The following WWOX variants were observed in gnomAD, a reference collection of about 807,000 sequenced individuals.
WWOX encodes WW domain-containing oxidoreductase.
In WWOX, 69 loss-of-function variants were observed where a neutral mutation model predicts 46.2. The ratio of observed to expected loss-of-function variants is 1.49; its 90% CI spans 1.23 to 1.82. WWOX has a LOEUF of 1.82. Ranked by LOEUF, WWOX falls within the 40% of genes most tolerant of loss-of-function variation. The pLI is 0.00. For missense variants in WWOX, 919 were observed against 542.6 expected (o/e 1.69, Z -6.89); for synonymous variants, 359 against 202.6 (o/e 1.77, Z -6.56).
At chr16:78,317,728 A>G (rs7193133) in intron 5 of WWOX, among the ~76,000 whole-genome samples, 4,754 of 152,026 alleles carry the variant, frequency 0.031, 117 homozygotes, top group African/African-American at 0.071. Context: ...GTGCCTCCCC[A>G]TGGGCCCCCT....
intron 5 of WWOX, among the ~76,000 whole-genome samples, chr16:78,354,243 C>T (rs1212131658): frequency 6.6e-6 from 1 of 150,890 alleles, no homozygotes; most frequent in Non-Finnish European, 1.5e-5. Flanking sequence ...CCCACCCCTG[C>T]CAGAAATAAA....
chr16:78,286,009 C>T (rs1030080864), intron 5 of WWOX, among the ~76,000 whole-genome samples: 1 of 152,166 alleles, frequency 6.6e-6, no homozygotes, highest in Admixed American at 6.5e-5. Flanking sequence ...ACTCTTTTGC[C>T]ACCTTTTTGG....
Position 78,164,236 on chromosome 16 carries a change from T to C in WWOX, c.463T>C (p.Cys155Arg). 1 of 1,614,188 alleles carries C rather than the reference T, an allele frequency of 6.2e-7. No homozygotes were observed. Among genetic ancestry groups the C allele is most frequent in the Non-Finnish European group, 8.5e-7 (1 of 1,180,018 alleles). Reference sequence around the variant, plus strand: ...CCATGGTGCACATGTGATCTTGGCCTGCAGGAACATGGCAAGGGCGAGTGA... The same window carrying C: ...CCATGGTGCACATGTGATCTTGGCCCGCAGGAACATGGCAAGGGCGAGTGA... ...ALHGAHVILA[C>R]RNMARASEAV... Residue 155 changes from cysteine to arginine, a missense_variant, in exon 5 of 9, where the codon TGC becomes CGC. Physicochemically the swap from Cys to Arg is radical, Grantham distance 180 (BLOSUM62 -3). Transcript: ENST00000566780.
rs372960373 is a variant in WWOX, at chr16:78,547,227, T to A, written c.1056+114475T>A. Among the ~76,000 whole-genome samples the A allele has an allele frequency of 2.6e-5, 4 of 150,964 alleles. No individual in the cohort carries two copies. In the East Asian group the frequency reaches 7.8e-4, roughly 29 times the overall value. ...GGGGATAGGGTGAGATGAACATTGATTGAGCCTTTACATTGGAGACACTAT... is the reference window on the plus strand; with the variant it reads ...GGGGATAGGGTGAGATGAACATTGAATGAGCCTTTACATTGGAGACACTAT... On this transcript the variant is annotated intron_variant, in intron 8 of 8. Coordinates refer to ENST00000566780, the MANE Select transcript of WWOX (RefSeq NM_016373.4).
intron 8 of WWOX, among the ~76,000 whole-genome samples, chr16:79,028,296 A>T (rs2047685931): frequency 6.6e-6 from 1 of 151,822 alleles, no homozygotes; most frequent in Non-Finnish European, 1.5e-5. Flanking sequence ...TGTCTGGCAA[A>T]TGGAAAGTTC....
chr16:78,311,543 C>G (rs2080243963), intron 5 of WWOX, among the ~76,000 whole-genome samples: 3 of 152,186 alleles, frequency 2.0e-5, no homozygotes, highest in African/African-American at 7.2e-5. Context: ...TGTTTAATGA[C>G]TGGCAATGCC....
intron 8 of WWOX, among the ~76,000 whole-genome samples, chr16:79,147,242 A>C (rs569666330): frequency 6.6e-6 from 1 of 152,252 alleles, no homozygotes; most frequent in East Asian, 1.9e-4. Context: ...AACCACACCC[A>C]CCTTCCTTCT....
At chr16:78,981,126 G>C (rs1294958684) in intron 8 of WWOX, among the ~76,000 whole-genome samples, 4 of 152,208 alleles carry the variant, frequency 2.6e-5, no homozygotes, top group Non-Finnish European at 5.9e-5. Context: ...TGTTGAACCA[G>C]TGTCCTAGCT....
rs796662192 is a variant in WWOX at position 79,200,705 on chromosome 16, T to G, written c.1057-10903T>G. On this transcript the variant is annotated intron_variant, in intron 8 of 8. Coordinates refer to ENST00000566780, the MANE Select transcript of WWOX (RefSeq NM_016373.4). Reference sequence around the variant, plus strand: ...AGCAGCTATTGAGCCTCACACTCCCTGGACAAAGACATGAAAAACTCTGGA... The same window carrying G: ...AGCAGCTATTGAGCCTCACACTCCCGGGACAAAGACATGAAAAACTCTGGA... Among the ~76,000 whole-genome samples the G allele has an allele frequency of 7.9e-5, 12 of 152,154 alleles. 1 individual carries two copies. Among genetic ancestry groups the G allele is most frequent in the African/African-American group, 2.9e-4 (12 of 41,520 alleles).
At chr16:78,907,580 C>T (rs1018374783) in intron 8 of WWOX, among the ~76,000 whole-genome samples, 6 of 152,140 alleles carry the variant, frequency 3.9e-5, no homozygotes, top group South Asian at 4.1e-4. Context: ...TGACTAAGGG[C>T]GGTCTGAAGG....
rs146782106 is a variant in WWOX at position 78,672,824 on chromosome 16, G to A, written c.1056+240072G>A. Among the ~76,000 whole-genome samples the A allele has an allele frequency of 2.4e-4, 37 of 152,276 alleles. 1 individual carries two copies. In the East Asian group the frequency reaches 6.9e-3, roughly 29 times the overall value. On this transcript the variant is annotated intron_variant, in intron 8 of 8. Coordinates refer to ENST00000566780, the MANE Select transcript of WWOX (RefSeq NM_016373.4). ...ATGATAACAGCCATCTGACTTGATCGGAGTTCTATGGATTTTCACTAAAAT... is the reference window on the plus strand; with the variant it reads ...ATGATAACAGCCATCTGACTTGATCAGAGTTCTATGGATTTTCACTAAAAT...
chr16:78,809,856 G>A (rs1167563045), intron 8 of WWOX, among the ~76,000 whole-genome samples: 1 of 152,082 alleles, frequency 6.6e-6, no homozygotes, highest in Non-Finnish European at 1.5e-5. Context: ...GACCCTCTAT[G>A]GCAGATCAGT....
At chr16:79,158,865 GACA>G (rs1263145118) in intron 8 of WWOX, among the ~76,000 whole-genome samples, 1 of 152,174 alleles carries the variant, frequency 6.6e-6, no homozygotes, top group African/African-American at 2.4e-5. Context: ...TCAAGTTTGT[GACA>G]ACAAGGACCT....
intron 8 of WWOX, among the ~76,000 whole-genome samples, chr16:78,648,263 G>A (rs1023334163): frequency 3.9e-5 from 6 of 152,192 alleles, no homozygotes; most frequent in Non-Finnish European, 8.8e-5. Context: ...GTGAGGGGCT[G>A]GTTTTTAGAT....
At chr16:78,595,346 A>C (rs1482835505) in intron 8 of WWOX, among the ~76,000 whole-genome samples, 2 of 151,584 alleles carry the variant, frequency 1.3e-5, no homozygotes, top group African/African-American at 2.4e-5. Context: ...TTTCTTGCTC[A>C]CATGTGAGTC....
intron 8 of WWOX, among the ~76,000 whole-genome samples, chr16:78,610,099 G>T (rs1269511817): frequency 6.6e-6 from 1 of 152,146 alleles, no homozygotes; most frequent in African/African-American, 2.4e-5. Context: ...TTGCTGGTCT[G>T]TGGCAAGGTC....
chr16:78,837,887 C>G (rs997191481), intron 8 of WWOX, among the ~76,000 whole-genome samples: 12 of 152,234 alleles, frequency 7.9e-5, no homozygotes, highest in Middle Eastern at 3.4e-3. Flanking sequence ...ATTATTGTCC[C>G]CATTTTACAG....
intron 5 of WWOX, among the ~76,000 whole-genome samples, chr16:78,310,435 G>A (rs1415430535): frequency 6.6e-6 from 1 of 152,238 alleles, no homozygotes; most frequent in African/African-American, 2.4e-5. Flanking sequence ...TCCTTGGGAA[G>A]CTAATTTGTT....
intron 8 of WWOX, among the ~76,000 whole-genome samples, chr16:78,998,780 A>C (rs548222987): frequency 6.6e-6 from 1 of 152,344 alleles, no homozygotes; most frequent in South Asian, 2.1e-4. Context: ...GACTTCTTGA[A>C]AGTGCCAGTC....
Sources: allele counts gnomAD v4.1 joint callset (sites outside exome capture counted in the v4.1 genomes callset), GRCh38; gene constraint gnomAD v4.1.1; transcripts MANE v1.5; gene names NCBI Gene and HGNC (gene_info 2026-07-23, HGNC 2026-07-21).